KCNH1: variants seen among roughly 807,000 people sequenced by gnomAD.
KCNH1 encodes potassium voltage-gated channel subfamily H member 1, also known as voltage-gated delayed rectifier potassium channel KCNH1.
In KCNH1, 27 loss-of-function variants were observed where a neutral mutation model predicts 69.2. That is an observed-to-expected ratio of 0.39 (90% CI 0.29 to 0.54). The LOEUF is 0.54. Ranked by LOEUF, KCNH1 falls within the 20% of genes least tolerant of loss-of-function variation. The pLI is 0.68. For missense variants in KCNH1, 798 were observed against 1,261.6 expected, an observed-to-expected ratio of 0.63 and a Z score of 5.57; for synonymous variants, 456 against 487.7, an observed-to-expected ratio of 0.93 and a Z score of 0.86.
intron 9 of KCNH1, among the ~76,000 whole-genome samples, chr1:210,781,980 C>T (rs897321296): frequency 5.9e-5 from 9 of 152,178 alleles, no homozygotes; most frequent in African/African-American, 1.9e-4. Context: ...CACATCAGGG[C>T]TTTCCAGGCA....
chr1:210,695,080 A>G (rs1212118318), intron 10 of KCNH1, among the ~76,000 whole-genome samples: 1 of 152,062 alleles, frequency 6.6e-6, no homozygotes, highest in African/African-American at 2.4e-5. Flanking sequence ...GAGCAATCCA[A>G]CCTCTCTTTA....
At chr1:210,986,675 C>A (rs1688842070) in intron 6 of KCNH1, among the ~76,000 whole-genome samples, 1 of 152,198 alleles carries the variant, frequency 6.6e-6, no homozygotes, top group African/African-American at 2.4e-5. Flanking sequence ...ATGGGTTTCC[C>A]TTTGTGGGTA....
chr1:210,885,021 C>T (rs559761113), intron 7 of KCNH1, among the ~76,000 whole-genome samples: 1 of 152,338 alleles, frequency 6.6e-6, no homozygotes, highest in South Asian at 2.1e-4. Flanking sequence ...GTATCTGAAG[C>T]CACACTTTTC....
intron 7 of KCNH1, among the ~76,000 whole-genome samples, chr1:210,885,262 A>T (rs1206662199): frequency 6.6e-6 from 1 of 152,186 alleles, no homozygotes; most frequent in Admixed American, 6.5e-5. Flanking sequence ...ACGGAGGGTG[A>T]GCAGAAGCAG....
chr1:210,979,495 G>T (rs768495383), intron 6 of KCNH1, among the ~76,000 whole-genome samples: 1 of 152,004 alleles, frequency 6.6e-6, no homozygotes, highest in Non-Finnish European at 1.5e-5. Flanking sequence ...TATTAGTAAC[G>T]TTGAACATTT....
At chr1:210,785,763 C>G (rs1684087819) in intron 9 of KCNH1, among the ~76,000 whole-genome samples, 1 of 152,114 alleles carries the variant, frequency 6.6e-6, no homozygotes, top group South Asian at 2.1e-4. Flanking sequence ...GCAGGGAGAA[C>G]AAACTCATGT....
chr1:210,695,773 CAGTG>C (rs1250171087), intron 10 of KCNH1, among the ~76,000 whole-genome samples: 3 of 152,150 alleles, frequency 2.0e-5, no homozygotes, highest in African/African-American at 2.4e-5. Flanking sequence ...TGAAGTGAGA[CAGTG>C]AGCCCCAGGA....
intron 6 of KCNH1, among the ~76,000 whole-genome samples, chr1:210,987,391 G>A (rs1401210729): frequency 6.6e-6 from 1 of 152,138 alleles, no homozygotes; most frequent in African/African-American, 2.4e-5. Context: ...TTTCTGCTCT[G>A]TTTTCTTCCC....
chr1:210,739,636 G>A (rs950563889), intron 10 of KCNH1, among the ~76,000 whole-genome samples: 1 of 152,240 alleles, frequency 6.6e-6, no homozygotes, highest in African/African-American at 2.4e-5. Flanking sequence ...AATAAGAGCT[G>A]ATAAGTCTTA....
At chr1:211,094,437 T>A (rs969467651) in intron 3 of KCNH1, among the ~76,000 whole-genome samples, 1 of 152,162 alleles carries the variant, frequency 6.6e-6, no homozygotes, top group African/African-American at 2.4e-5. Context: ...TCTCTCTCGA[T>A]TGGTTCTGAT....
At chr1:210,750,928 A>T (rs1414898069) in intron 10 of KCNH1, among the ~76,000 whole-genome samples, 2 of 152,220 alleles carry the variant, frequency 1.3e-5, no homozygotes, top group Admixed American at 1.3e-4. Flanking sequence ...CCTGGTGGCA[A>T]ATTTGGAGTA....
rs534977680 is a variant in KCNH1, at chr1:211,126,635, A to T, written c.79+7232T>A. 5.3e-5 allele frequency among the ~76,000 whole-genome samples: 8 copies of T among 150,376 alleles called. No individual in the cohort carries two copies. In the Admixed American group the frequency reaches 5.3e-4, roughly 10 times the overall value. ...GAGGCAGAAGCTGCAGTGAGCTGACATCGCACCACTCCAATCCAGCCTGGG... is the reference window on the plus strand; with the variant it reads ...GAGGCAGAAGCTGCAGTGAGCTGACTTCGCACCACTCCAATCCAGCCTGGG... On this transcript the variant is annotated intron_variant, in intron 1 of 10. Coordinates refer to ENST00000271751, the MANE Select transcript of KCNH1 (RefSeq NM_172362.3).
chr1:211,119,789 T>C (rs76071508), intron 1 of KCNH1, among the ~76,000 whole-genome samples: 4,920 of 152,298 alleles, frequency 0.032, 155 homozygotes, highest in Admixed American at 0.076. Flanking sequence ...TCAATAGTTA[T>C]TTGCTCTGTC....
intron 5 of KCNH1, among the ~76,000 whole-genome samples, chr1:211,022,429 G>A (rs1689602251): frequency 6.6e-6 from 1 of 152,052 alleles, no homozygotes; most frequent in Admixed American, 6.5e-5. Flanking sequence ...AGATTTTTAA[G>A]GTAAACCTCA....
At chr1:211,039,719 T>C (rs1571599683) in intron 5 of KCNH1, among the ~76,000 whole-genome samples, 1 of 152,156 alleles carries the variant, frequency 6.6e-6, no homozygotes. Context: ...TGTAACCCCT[T>C]TGATTTGGCC....
chr1:210,919,929 G>A lies in KCNH1; in HGVS notation c.1173C>T (p.His391=), dbSNP rs775916998. 1 of 1,614,194 alleles carries A rather than the reference G, an allele frequency of 6.2e-7. No individual in the cohort carries two copies. Among genetic ancestry groups the A allele is most frequent in the Non-Finnish European group, 8.5e-7 (1 of 1,180,022 alleles). ...TGCTGTACCAGATGCAGGCCATCCAGTGTGCAGCCAGCCCAAACACACACA... is the reference window on the plus strand; with the variant it reads ...TGCTGTACCAGATGCAGGCCATCCAATGTGCAGCCAGCCCAAACACACACA... The part of the protein sequence containing the change: ...LLVCVFGLAA[H]WMACIWYSIG... Residue 391 remains histidine, a synonymous_variant, in exon 7 of 11, where the codon CAC becomes CAT. Coordinates refer to ENST00000271751, the MANE Select transcript of KCNH1 (RefSeq NM_172362.3). The surrounding 1 kb of genome is among the most constrained non-coding windows in gnomAD (Gnocchi z 4.2).
intron 10 of KCNH1, among the ~76,000 whole-genome samples, chr1:210,765,371 C>A (rs996104776): frequency 1.3e-5 from 2 of 152,176 alleles, no homozygotes; most frequent in African/African-American, 4.8e-5. Flanking sequence ...TGTAACAAAC[C>A]TGCACACATA....
chr1:210,721,680 A>G (rs919867680), intron 10 of KCNH1, among the ~76,000 whole-genome samples: 2 of 152,172 alleles, frequency 1.3e-5, no homozygotes, highest in African/African-American at 4.8e-5. Context: ...GAGGGATAGC[A>G]TTAGGAGATA....
At chr1:210,856,269 A>G (rs1183180361) in intron 7 of KCNH1, among the ~76,000 whole-genome samples, 2 of 152,212 alleles carry the variant, frequency 1.3e-5, no homozygotes, top group African/African-American at 4.8e-5. Context: ...CCCAAACCAG[A>G]GCCCGCCTGG....
Sources: gnomAD v4.1 joint callset for allele counts (sites outside exome capture counted in the v4.1 genomes callset) on GRCh38, gnomAD v4.1.1 for gene constraint, Gnocchi (gnomAD v3.1) non-coding constraint, MANE v1.5 for transcripts, NCBI Gene and HGNC (gene_info 2026-07-23, HGNC 2026-07-21) for gene names.